SGMS1: variants seen among roughly 807,000 people sequenced by gnomAD.
The protein encoded by SGMS1 is phosphatidylcholine:ceramide cholinephosphotransferase 1.
A neutral mutation model predicts 46.2 loss-of-function variants in SGMS1; 13 were observed. The observed-to-expected ratio is 0.28, with a 90% CI of 0.18 to 0.45. SGMS1 has a LOEUF of 0.45. Among genes scored for constraint, SGMS1 ranks in the 20% least tolerant of loss-of-function variants. The pLI is 1.00. For missense variants in SGMS1, 324 were observed against 519.9 expected (o/e 0.62, Z 3.66); for synonymous variants, 203 against 187.8 (o/e 1.08, Z -0.66).
intron 5 of SGMS1, among the ~76,000 whole-genome samples, chr10:50,458,126 C>A (rs1039386229): frequency 5.3e-5 from 8 of 152,196 alleles, no homozygotes; most frequent in African/African-American, 1.9e-4. Flanking sequence ...CAACACCAAG[C>A]CCATCTAGAA....
At chr10:50,490,888 A>C (rs531150948) in intron 3 of SGMS1, among the ~76,000 whole-genome samples, 1 of 152,294 alleles carries the variant, frequency 6.6e-6, no homozygotes, top group African/African-American at 2.4e-5. Context: ...ATGTTATGGA[A>C]CCTAAATACA....
rs565551980 is a variant in SGMS1 at position 50,605,495 on chromosome 10, G to T, written c.-683-15248C>A. 7.0e-4 allele frequency among the ~76,000 whole-genome samples: 106 copies of T among 152,342 alleles called. 1 individual carries two copies. Among genetic ancestry groups the T allele is most frequent in the African/African-American group, 2.5e-3 (105 of 41,574 alleles). ...ACAAGTAAGAGCTATCAGAGCAAAA[G>T]ATATGAAAACACCGGCTGTTTTCCA... On this transcript the variant is annotated intron_variant, in intron 1 of 10. Coordinates refer to ENST00000361781, the MANE Select transcript of SGMS1 (RefSeq NM_147156.4).
chr10:50,491,011 T>G (rs1837563527), intron 3 of SGMS1, among the ~76,000 whole-genome samples: 1 of 152,112 alleles, frequency 6.6e-6, no homozygotes, highest in African/African-American at 2.4e-5. Context: ...TTTAGCAAAC[T>G]GTCTTTCAAA....
intron 8 of SGMS1, among the ~76,000 whole-genome samples, chr10:50,316,407 C>G (rs1847338777): frequency 6.6e-6 from 1 of 152,192 alleles, no homozygotes; most frequent in Non-Finnish European, 1.5e-5. Flanking sequence ...TGGAGCCGAG[C>G]CTAGAATCCA....
chr10:50,620,205 T>C (rs1838836365), intron 1 of SGMS1, among the ~76,000 whole-genome samples: 1 of 152,224 alleles, frequency 6.6e-6, no homozygotes, highest in Non-Finnish European at 1.5e-5. Flanking sequence ...AACTCCCACA[T>C]CCAAGTGGGC....
At chr10:50,450,806 T>G (rs1837097212) in intron 5 of SGMS1, among the ~76,000 whole-genome samples, 1 of 152,054 alleles carries the variant, frequency 6.6e-6, no homozygotes, top group African/African-American at 2.4e-5. Flanking sequence ...TTTAAAATTA[T>G]TAGTTTGATA....
intron 6 of SGMS1, among the ~76,000 whole-genome samples, chr10:50,359,789 C>T (rs10825789): frequency 0.19 from 28,643 of 151,880 alleles, 2,974 homozygotes; most frequent in East Asian, 0.3. Flanking sequence ...TACTGTATTT[C>T]CATATCTATA....
chr10:50,521,699 T>G (rs942076459), intron 2 of SGMS1, among the ~76,000 whole-genome samples: 13 of 152,162 alleles, frequency 8.5e-5, no homozygotes, highest in African/African-American at 2.9e-4. Context: ...ATTTTGACTT[T>G]CATGACATTT....
chr10:50,369,956 T>C (rs1848408928), intron 6 of SGMS1, among the ~76,000 whole-genome samples: 1 of 152,244 alleles, frequency 6.6e-6, no homozygotes, highest in Admixed American at 6.5e-5. Context: ...AGCATTCTAC[T>C]GTACTGATTA....
At chr10:50,532,225 C>CTGTGTGTGTGTGTGTGTGTG (rs71029313) in intron 2 of SGMS1, among the ~76,000 whole-genome samples, 7 of 130,516 alleles carry the variant, frequency 5.4e-5, no homozygotes, top group African/African-American at 1.8e-4. Flanking sequence ...CTGAATGAGA[C>CTGTGTGTGTGTGTGTGTGTG]TGTGTGTGTG....
At chr10:50,396,487 T>C (rs1331949880) in intron 6 of SGMS1, among the ~76,000 whole-genome samples, 1 of 152,194 alleles carries the variant, frequency 6.6e-6, no homozygotes, top group Admixed American at 6.5e-5. Flanking sequence ...GGGGATATTT[T>C]GGAACTAGAG....
chr10:50,328,928 G>A (rs1416260285), intron 7 of SGMS1, among the ~76,000 whole-genome samples: 1 of 152,122 alleles, frequency 6.6e-6, no homozygotes. Flanking sequence ...AAGACATAAT[G>A]GTCATCTTTC....
chr10:50,334,627 G>C (rs1847685916), intron 7 of SGMS1: 1 of 152,062 alleles, frequency 6.6e-6, no homozygotes, highest in Non-Finnish European at 1.5e-5. Context: ...TGAATTCTAG[G>C]CACAGTAACT....
intron 2 of SGMS1, among the ~76,000 whole-genome samples, chr10:50,565,233 A>G (rs2131847526): frequency 6.6e-6 from 1 of 152,314 alleles, no homozygotes; most frequent in Admixed American, 6.5e-5. Context: ...CTTAGTACAC[A>G]GTGTCTTATA....
chr10:50,469,175 A>C (rs543073919), intron 3 of SGMS1, among the ~76,000 whole-genome samples: 167 of 152,364 alleles, frequency 1.1e-3, no homozygotes, highest in Non-Finnish European at 1.7e-3. Flanking sequence ...GCTCTGCCTT[A>C]ATGATGAACA....
chr10:50,361,879 T>C (rs2133417063), intron 6 of SGMS1, among the ~76,000 whole-genome samples: 1 of 152,326 alleles, frequency 6.6e-6, no homozygotes, highest in African/African-American at 2.4e-5. Flanking sequence ...TATTTACCTG[T>C]ATTTTTCAGC....
chr10:50,458,525 T>A (rs966299649), intron 5 of SGMS1, among the ~76,000 whole-genome samples: 3 of 151,596 alleles, frequency 2.0e-5, no homozygotes, highest in African/African-American at 7.3e-5. Flanking sequence ...CCGGCTAATT[T>A]TTTTTTTGTA....
intron 6 of SGMS1, among the ~76,000 whole-genome samples, chr10:50,350,654 C>T (rs1847993390): frequency 6.6e-6 from 1 of 152,182 alleles, no homozygotes; most frequent in East Asian, 1.9e-4. Flanking sequence ...AAAATACAGC[C>T]CGGGCTGTGG....
At chr10:50,524,508 G>T (rs1002548719) in intron 2 of SGMS1, among the ~76,000 whole-genome samples, 6 of 152,022 alleles carry the variant, frequency 3.9e-5, no homozygotes, top group Admixed American at 1.3e-4. Flanking sequence ...TTCAAAGCTG[G>T]GTTAGTGCCC....
Sources: gnomAD v4.1 joint callset for allele counts (sites outside exome capture counted in the v4.1 genomes callset) on GRCh38, gnomAD v4.1.1 for gene constraint, MANE v1.5 for transcripts, NCBI Gene and HGNC (gene_info 2026-07-23, HGNC 2026-07-21) for gene names.